Variants in THSD7B observed in about 807,000 individuals in gnomAD.
THSD7B encodes the protein thrombospondin type 1 domain containing 7B.
In THSD7B, 138 loss-of-function variants were observed where a neutral mutation model predicts 213.6. The ratio of observed to expected loss-of-function variants is 0.65; its 90% CI spans 0.56 to 0.74. The LOEUF (loss-of-function observed/expected upper bound fraction) is 0.74, where lower values mean the gene tolerates loss of function less well. THSD7B is among the 30% of genes least tolerant of loss of function. The pLI, the probability that THSD7B is intolerant of heterozygous loss-of-function variation, is 0.00. For synonymous variants in THSD7B, 742 were observed against 687.0 expected (o/e 1.08, Z -1.25); for missense variants, 1,931 against 1,991.5 (o/e 0.97, Z 0.58).
rs1207128281 is a variant in THSD7B, at chr2:137,338,099, A to G, written c.2500+62073A>G. On this transcript the variant is annotated intron_variant, in intron 12 of 27. Coordinates refer to ENST00000409968, the MANE Select transcript of THSD7B (RefSeq NM_001316349.2). Reference sequence around the variant, plus strand: ...ATCCTTCAATCCGTTGCAGTCAGACAGCGGCTGAGACTGTGCTAAAGGTTT... The same window carrying G: ...ATCCTTCAATCCGTTGCAGTCAGACGGCGGCTGAGACTGTGCTAAAGGTTT... Among the ~76,000 whole-genome samples the G allele has an allele frequency of 2.0e-5, 3 of 152,086 alleles. No homozygotes were observed. The East Asian group carries it at 5.8e-4, about 29-fold the overall frequency.
At chr2:137,186,462 G>A (rs1461455690) in intron 7 of THSD7B, among the ~76,000 whole-genome samples, 1 of 150,864 alleles carries the variant, frequency 6.6e-6, no homozygotes, top group African/African-American at 2.5e-5. Context: ...AGTTATCCCA[G>A]CACCATTTAT....
At chr2:137,436,234 G>T (rs2105047028) in intron 14 of THSD7B, among the ~76,000 whole-genome samples, 1 of 152,040 alleles carries the variant, frequency 6.6e-6, no homozygotes, top group Non-Finnish European at 1.5e-5. Context: ...ATAGATAATG[G>T]TAACTGACAT....
intron 15 of THSD7B, among the ~76,000 whole-genome samples, chr2:137,485,388 T>C (rs1251717213): frequency 2.0e-5 from 3 of 152,062 alleles, no homozygotes; most frequent in Non-Finnish European, 4.4e-5. Context: ...TATATCTCTG[T>C]TTTGGTACCA....
chr2:137,576,248 G>A (rs1681458539), intron 17 of THSD7B, among the ~76,000 whole-genome samples: 1 of 152,086 alleles, frequency 6.6e-6, no homozygotes, highest in South Asian at 2.1e-4. Flanking sequence ...TAGGACAAGT[G>A]TATTGGAAGT....
At chr2:137,001,042 G>A (rs1685989442) in intron 2 of THSD7B, among the ~76,000 whole-genome samples, 1 of 152,030 alleles carries the variant, frequency 6.6e-6, no homozygotes, top group South Asian at 2.1e-4. Context: ...AAAATAAGAG[G>A]CTGAAGGTTT....
At chr2:137,176,227 G>T (rs1319151268) in intron 7 of THSD7B, among the ~76,000 whole-genome samples, 1 of 152,064 alleles carries the variant, frequency 6.6e-6, no homozygotes, top group African/African-American at 2.4e-5. Flanking sequence ...GGATATGTAG[G>T]CTCTAAAATA....
chr2:137,410,161 G>A (rs1414255659), intron 13 of THSD7B, among the ~76,000 whole-genome samples: 1 of 152,124 alleles, frequency 6.6e-6, no homozygotes, highest in Non-Finnish European at 1.5e-5. Flanking sequence ...TGGAAGCTGT[G>A]CTTTTCAAAC....
At chr2:136,891,090 A>G (rs1407880288) in intron 2 of THSD7B, among the ~76,000 whole-genome samples, 1 of 150,440 alleles carries the variant, frequency 6.6e-6, no homozygotes, top group Non-Finnish European at 1.5e-5. Flanking sequence ...AAGGTCTTTT[A>G]CTTGTTCTAT....
intron 12 of THSD7B, among the ~76,000 whole-genome samples, chr2:137,381,173 G>T (rs773278149): frequency 6.6e-6 from 1 of 152,238 alleles, no homozygotes; most frequent in East Asian, 1.9e-4. Flanking sequence ...AACATGGATT[G>T]TGGTACCCGG....
chr2:137,589,471 T>G (rs947773155), intron 17 of THSD7B, among the ~76,000 whole-genome samples: 2 of 152,150 alleles, frequency 1.3e-5, no homozygotes, highest in Non-Finnish European at 2.9e-5. Context: ...GTTGTGAAAT[T>G]TTGTGATTTT....
chr2:137,427,046 T>C (rs1687076306), intron 14 of THSD7B, among the ~76,000 whole-genome samples: 1 of 152,106 alleles, frequency 6.6e-6, no homozygotes, highest in Admixed American at 6.6e-5. Context: ...TATGAAAAGT[T>C]GCTGAACATC....
intron 12 of THSD7B, among the ~76,000 whole-genome samples, chr2:137,300,892 A>T (rs1683583397): frequency 1.3e-5 from 2 of 152,094 alleles, no homozygotes; most frequent in Admixed American, 1.3e-4. Flanking sequence ...GTCAGTGAGG[A>T]CAGAGACATC....
At chr2:137,652,344 A>G (rs1683156726) in intron 21 of THSD7B, among the ~76,000 whole-genome samples, 2 of 152,102 alleles carry the variant, frequency 1.3e-5, no homozygotes, top group South Asian at 2.1e-4. Flanking sequence ...TTTGTAGACT[A>G]TTTTAGCTGA....
chr2:137,162,931 T>G (rs1324929578), intron 6 of THSD7B, among the ~76,000 whole-genome samples: 1 of 152,188 alleles, frequency 6.6e-6, no homozygotes, highest in Non-Finnish European at 1.5e-5. Context: ...GATTAATTTT[T>G]GTGTTTTTAG....
At chr2:137,420,071 C>T (rs367991894) in intron 14 of THSD7B, among the ~76,000 whole-genome samples, 9 of 152,186 alleles carry the variant, frequency 5.9e-5, no homozygotes, top group East Asian at 5.8e-4. Flanking sequence ...TAACAGTGTA[C>T]GAGGGTTCCC....
chr2:136,986,194 G>T (rs1038570287), intron 2 of THSD7B, among the ~76,000 whole-genome samples: 4 of 152,078 alleles, frequency 2.6e-5, no homozygotes, highest in African/African-American at 7.2e-5. Flanking sequence ...TTAAGATTAG[G>T]GGGGGACTAT....
intron 14 of THSD7B, among the ~76,000 whole-genome samples, chr2:137,445,087 T>A (rs1011429294): frequency 2.0e-5 from 3 of 151,948 alleles, no homozygotes; most frequent in African/African-American, 7.2e-5. Context: ...AAATGGCTAT[T>A]ATCAAAAAGG....
chr2:137,411,063 C>A (rs72977689), intron 13 of THSD7B, among the ~76,000 whole-genome samples: 12,887 of 152,224 alleles, frequency 0.085, 1,161 homozygotes, highest in African/African-American at 0.22. Flanking sequence ...AATGAAAGAG[C>A]TTTTTCTCTG....
intron 2 of THSD7B, among the ~76,000 whole-genome samples, chr2:136,998,261 C>CAAAAAAAAAAAAAAAAAAAAA (rs33931359): frequency 2.0e-5 from 2 of 98,404 alleles, no homozygotes; most frequent in Non-Finnish European, 2.1e-5. Context: ...ACTAAAAGGC[C>CAAAAAAAAAAAAAAAAAAAAA]AAAAAAAAAA....
Sources: gnomAD v4.1 joint callset for allele counts (sites outside exome capture counted in the v4.1 genomes callset) on GRCh38, gnomAD v4.1.1 for gene constraint, MANE v1.5 for transcripts, NCBI Gene and HGNC (gene_info 2026-07-23, HGNC 2026-07-21) for gene names.